Variants in ARHGEF18 observed in about 807,000 individuals in gnomAD.
ARHGEF18 encodes rho guanine nucleotide exchange factor 18.
In ARHGEF18, 93 loss-of-function variants were observed where a neutral mutation model predicts 155.7. That is an observed-to-expected ratio of 0.60 (90% CI 0.50 to 0.71). ARHGEF18 has a LOEUF of 0.71. ARHGEF18 is among the 30% of genes least tolerant of loss of function. The probability of loss-of-function intolerance (pLI) is 0.00; values close to 1 mark genes in which losing one functional copy is unlikely to be tolerated. For missense variants in ARHGEF18, 1,593 were observed against 1,816.1 expected (o/e 0.88, Z 2.23); for synonymous variants, 742 against 753.1 (o/e 0.99, Z 0.24).
chr19:7,477,305 C>A (rs757487438), downstream of ARHGEF18: 2 of 1,565,342 alleles, frequency 1.3e-6, no homozygotes, highest in East Asian at 4.8e-5. Context: ...CGGCGGGAAG[C>A]GGCCGGCCCA....
chr19:7,363,834 GAGA>G (rs1247299281), intron 2 of ARHGEF18, among the ~76,000 whole-genome samples: 2 of 151,530 alleles, frequency 1.3e-5, no homozygotes, highest in Admixed American at 6.6e-5. Context: ...ATGGATGGAT[GAGA>G]AGAAGGGTGA....
intron 26 of ARHGEF18, 79 bp downstream of exon 26, chr19:7,467,763 C>G: frequency 7.3e-7 from 1 of 1,365,076 alleles, no homozygotes; most frequent in Non-Finnish European, 9.5e-7. Context: ...ATGCAGGTGA[C>G]AGGGTTCGCG....
chr19:7,469,647 G>A (rs1039181642), intron 27 of ARHGEF18, among the ~76,000 whole-genome samples: 11 of 152,122 alleles, frequency 7.2e-5, no homozygotes, highest in African/African-American at 2.7e-4. Context: ...TGGTCACTAG[G>A]GCCTGTGCTA....
In ARHGEF18 at chr19:7,385,889, T is replaced by TC. The variant is rs1971021750; in HGVS notation, c.967+2689dup. 7.5e-4 allele frequency among the ~76,000 whole-genome samples: 20 copies of TC among 26,806 alleles called. 2 individuals are homozygous for TC. Among genetic ancestry groups the TC allele is most frequent in the African/African-American group, 5.1e-3 (18 of 3,546 alleles). 17.6% of individuals were successfully genotyped at this position (26,806 alleles called of 152,430 possible). On this transcript the variant is annotated intron_variant, in intron 10 of 28. Coordinates refer to ENST00000668164, the MANE Select transcript of ARHGEF18 (RefSeq NM_001367823.1). ...TCTCTCTCCCCCCTCCCTCTCTCCC[T>TC]CCCTCCCTCTCTCTCTCCCTCTCTC...
chr19:7,356,641 G>A (rs975942292), intron 1 of ARHGEF18, among the ~76,000 whole-genome samples: 1 of 152,120 alleles, frequency 6.6e-6, no homozygotes, highest in Non-Finnish European at 1.5e-5. Context: ...GTCCTGGTAC[G>A]TAGGGCATGA....
At chr19:7,360,320 GC>G (rs1969494305) in intron 1 of ARHGEF18, among the ~76,000 whole-genome samples, 1 of 150,826 alleles carries the variant, frequency 6.6e-6, no homozygotes, top group Non-Finnish European at 1.5e-5. Flanking sequence ...ACTGCATCCT[GC>G]CCTTCCCTGG....
intron 10 of ARHGEF18, among the ~76,000 whole-genome samples, chr19:7,427,685 C>A (rs1600402165): frequency 6.6e-6 from 1 of 150,842 alleles, no homozygotes; most frequent in Non-Finnish European, 1.5e-5. Context: ...GTGGCTCACA[C>A]CTGTAACCCC....
chr19:7,399,175 C>T (rs1971892806), intron 10 of ARHGEF18, among the ~76,000 whole-genome samples: 1 of 152,110 alleles, frequency 6.6e-6, no homozygotes, highest in Non-Finnish European at 1.5e-5. Context: ...TGTTTGAAAA[C>T]CCTCTCTCTA....
At chr19:7,469,802 G>C in intron 27 of ARHGEF18, 102 bp from the exon 28 acceptor site, 1 of 1,425,564 alleles carries the variant, frequency 7.0e-7, no homozygotes, top group Non-Finnish European at 9.5e-7. Context: ...CGTGGGAAGT[G>C]TCAGGTGGGG....
intron 10 of ARHGEF18, among the ~76,000 whole-genome samples, chr19:7,415,613 T>C (rs1269321735): frequency 6.6e-6 from 1 of 151,926 alleles, no homozygotes; most frequent in East Asian, 1.9e-4. Flanking sequence ...CCCTGCCCTT[T>C]CCTTTCTCTG....
intron 1 of ARHGEF18, among the ~76,000 whole-genome samples, chr19:7,349,606 C>T (rs924161482): frequency 1.6e-4 from 24 of 151,932 alleles, no homozygotes; most frequent in Admixed American, 1.3e-3. Flanking sequence ...GGTGAAACCC[C>T]GTCTCTACTA....
intron 15 of ARHGEF18, among the ~76,000 whole-genome samples, chr19:7,448,437 G>A (rs999531807): frequency 3.3e-5 from 5 of 152,154 alleles, no homozygotes; most frequent in Non-Finnish European, 7.4e-5. Context: ...CAAGGCGGGT[G>A]GATCACGAGG....
chr19:7,446,700 C>G (rs562812602), intron 14 of ARHGEF18, among the ~76,000 whole-genome samples: 19 of 151,914 alleles, frequency 1.3e-4, no homozygotes, highest in African/African-American at 4.6e-4. Context: ...AAGATCACGC[C>G]ACTGCACTCC....
intron 10 of ARHGEF18, among the ~76,000 whole-genome samples, chr19:7,404,936 G>A (rs193080952): frequency 1.3e-5 from 2 of 151,750 alleles, no homozygotes; most frequent in Non-Finnish European, 2.9e-5. Flanking sequence ...CACCTTTATT[G>A]TGTGCGACAG....
intron 1 of ARHGEF18, among the ~76,000 whole-genome samples, chr19:7,360,498 A>G (rs1013053140): frequency 1.2e-4 from 18 of 152,126 alleles, no homozygotes; most frequent in Non-Finnish European, 1.0e-4. Context: ...GGCCTCCCAA[A>G]GTGCTGGGAT....
At chr19:7,380,357 T>C (rs1970671000) in intron 7 of ARHGEF18, among the ~76,000 whole-genome samples, 1 of 151,714 alleles carries the variant, frequency 6.6e-6, no homozygotes, top group African/African-American at 2.4e-5. Flanking sequence ...CAGGCGCCTG[T>C]AGTCCCAGCT....
chr19:7,379,891 G>A (rs371679307), intron 7 of ARHGEF18, among the ~76,000 whole-genome samples: 6 of 152,114 alleles, frequency 3.9e-5, no homozygotes, highest in Non-Finnish European at 7.4e-5. Context: ...TTTGCTGGGC[G>A]AGGTGGCTCA....
chr19:7,439,280 A>ACC (rs113289764), intron 10 of ARHGEF18, among the ~76,000 whole-genome samples: 34,665 of 144,342 alleles, frequency 0.24, 4,259 homozygotes, highest in East Asian at 0.3. Context: ...ACATAGTGAG[A>ACC]CCCCCCCCCA....
At position 7,365,277 on chromosome 19, in the gene ARHGEF18, A is replaced by C. The variant is rs1380326808; in HGVS notation, c.15+2372A>C. On this transcript the variant is annotated intron_variant, in intron 2 of 28. Transcript: ENST00000668164. ...CCCTGTCTCTACTAAAAATACAAAAATTAGCTGCGCATGGAGGTGTGCACC... is the reference window on the plus strand; with the variant it reads ...CCCTGTCTCTACTAAAAATACAAAACTTAGCTGCGCATGGAGGTGTGCACC... Among the ~76,000 whole-genome samples the C allele has an allele frequency of 2.0e-5, 3 of 152,142 alleles. No homozygotes were observed. In the East Asian group the frequency reaches 5.8e-4, roughly 29 times the overall value.
Sources: allele counts gnomAD v4.1 joint callset (sites outside exome capture counted in the v4.1 genomes callset), GRCh38; gene constraint gnomAD v4.1.1; transcripts MANE v1.5; gene names NCBI Gene and HGNC (gene_info 2026-07-23, HGNC 2026-07-21).